Variants in SLC10A7 observed in about 807,000 individuals in gnomAD.
SLC10A7 encodes sodium/bile acid cotransporter 7.
A neutral mutation model predicts 43.2 loss-of-function variants in SLC10A7; 29 were observed. The observed-to-expected ratio is 0.67, with a 90% CI of 0.50 to 0.92. The LOEUF is 0.92. SLC10A7 is among the 40% of genes least tolerant of loss of function. SLC10A7 has a pLI of 0.00. For synonymous variants in SLC10A7, 152 were observed against 144.8 expected (o/e 1.05, Z -0.35); for missense variants, 295 against 403.2 (o/e 0.73, Z 2.30).
intron 3 of SLC10A7, among the ~76,000 whole-genome samples, chr4:146,507,288 G>C (rs775360158): frequency 6.6e-6 from 1 of 152,154 alleles, no homozygotes; most frequent in Non-Finnish European, 1.5e-5. Flanking sequence ...GTGGCTGGGC[G>C]CAGTGGCTCA....
At chr4:146,374,943 C>T (rs896714104) in intron 5 of SLC10A7, among the ~76,000 whole-genome samples, 8 of 151,870 alleles carry the variant, frequency 5.3e-5, no homozygotes, top group African/African-American at 1.2e-4. Context: ...TGGTGGCTTA[C>T]GCCTGTAATC....
chr4:146,286,931 A>G (rs1448070616), intron 9 of SLC10A7, among the ~76,000 whole-genome samples: 3 of 134,142 alleles, frequency 2.2e-5, no homozygotes, highest in African/African-American at 8.6e-5. Context: ...GAGTTGAGAA[A>G]GACTGAACTT....
intron 5 of SLC10A7, among the ~76,000 whole-genome samples, chr4:146,436,352 A>T (rs989412005): frequency 6.6e-6 from 1 of 152,154 alleles, no homozygotes; most frequent in East Asian, 1.9e-4. Context: ...ACATAGAGCT[A>T]TCAGTGGGTC....
At chr4:146,505,218 T>A (rs1736789187) in intron 3 of SLC10A7, among the ~76,000 whole-genome samples, 1 of 152,218 alleles carries the variant, frequency 6.6e-6, no homozygotes, top group Non-Finnish European at 1.5e-5. Flanking sequence ...GACTTCTTCC[T>A]CTTCATTAGC....
chr4:146,350,556 T>C (rs1007738924), intron 5 of SLC10A7, among the ~76,000 whole-genome samples: 9 of 145,106 alleles, frequency 6.2e-5, no homozygotes, highest in Middle Eastern at 3.4e-3. Context: ...TGCCTGCTTC[T>C]GTAGGCTCCA....
chr4:146,379,569 A>G (rs913338958), intron 5 of SLC10A7, among the ~76,000 whole-genome samples: 1 of 152,208 alleles, frequency 6.6e-6, no homozygotes, highest in African/African-American at 2.4e-5. Flanking sequence ...AACTGCCAGA[A>G]TAACTGAAGA....
At chr4:146,459,735 A>G (rs1732375511) in intron 4 of SLC10A7, among the ~76,000 whole-genome samples, 1 of 151,884 alleles carries the variant, frequency 6.6e-6, no homozygotes, top group Non-Finnish European at 1.5e-5. Flanking sequence ...CACTTAAAGA[A>G]CATCTTTGTG....
At chr4:146,463,857 C>T (rs1732764156) in intron 4 of SLC10A7, among the ~76,000 whole-genome samples, 2 of 150,160 alleles carry the variant, frequency 1.3e-5, no homozygotes, top group Admixed American at 1.3e-4. Flanking sequence ...AAAGTCTCAC[C>T]CTTTTGCCCA....
chr4:146,344,717 C>G lies in SLC10A7; in HGVS notation c.436-18721G>C, dbSNP rs138970519. Among the ~76,000 whole-genome samples the G allele has an allele frequency of 8.3e-3, 1,263 of 151,674 alleles. 10 individuals carry two copies. The highest frequency in any genetic ancestry group is 0.014 in the Non-Finnish European group (941 of 67,964). On this transcript the variant is annotated intron_variant, in intron 5 of 11. Coordinates refer to ENST00000335472, the MANE Select transcript of SLC10A7 (RefSeq NM_001029998.6). Reference sequence around the variant, plus strand: ...TGATATCAAAAGAGATTTGATACACCAACAGTTTTATGTTAAGCCAGGCAT... The same window carrying G: ...TGATATCAAAAGAGATTTGATACACGAACAGTTTTATGTTAAGCCAGGCAT...
chr4:146,504,376 G>A lies in SLC10A7; in HGVS notation c.321-452C>T, dbSNP rs376063900. On this transcript the variant is annotated intron_variant, in intron 3 of 11. Coordinates refer to ENST00000335472, the MANE Select transcript of SLC10A7 (RefSeq NM_001029998.6). ...CTACTAAAAGTACAAAAAATTAGCC[G>A]GGCACAGTGGCGGGTGCCTGTAGTC... Among the ~76,000 whole-genome samples, 10 of 152,036 alleles carry A rather than the reference G, an allele frequency of 6.6e-5. No homozygotes were observed. The East Asian group carries it at 7.8e-4, about 12-fold the overall frequency.
At chr4:146,514,505 T>A (rs182174078) in intron 2 of SLC10A7, 1 of 152,224 alleles carries the variant, frequency 6.6e-6, no homozygotes, top group Non-Finnish European at 1.5e-5. Context: ...AACTGAAGAC[T>A]CAGCATTGCA....
At chr4:146,437,605 T>G (rs889201190) in intron 5 of SLC10A7, among the ~76,000 whole-genome samples, 1 of 152,020 alleles carries the variant, frequency 6.6e-6, no homozygotes, top group African/African-American at 2.4e-5. Context: ...ATTAAGCACA[T>G]GCACACACAC....
intron 7 of SLC10A7, among the ~76,000 whole-genome samples, chr4:146,299,943 A>G (rs1009758513): frequency 1.5e-4 from 23 of 152,284 alleles, no homozygotes; most frequent in African/African-American, 4.8e-4. Flanking sequence ...AGTGAGGTGA[A>G]TGACAGGTCA....
chr4:146,325,560 T>G (rs1271995821), intron 6 of SLC10A7, among the ~76,000 whole-genome samples: 1 of 152,194 alleles, frequency 6.6e-6, no homozygotes, highest in South Asian at 2.1e-4. Context: ...ATCATCAGTA[T>G]CAGCCTTGGA....
chr4:146,329,618 A>C lies in SLC10A7; in HGVS notation c.436-3622T>G, dbSNP rs115796508. On this transcript the variant is annotated intron_variant, in intron 5 of 11. Coordinates refer to ENST00000335472, the MANE Select transcript of SLC10A7 (RefSeq NM_001029998.6). ...AATAAAATCTTTGCATTGTTAAGTT[A>C]TTTCCTCAGGGTTGTATTTTAAGAG... 3.9e-3 allele frequency among the ~76,000 whole-genome samples: 598 copies of C among 152,266 alleles called. 2 individuals are homozygous for C. Among genetic ancestry groups the C allele is most frequent in the African/African-American group, 0.013 (548 of 41,550 alleles).
chr4:146,454,467 G>T (rs1168226579), intron 4 of SLC10A7, among the ~76,000 whole-genome samples: 1 of 151,816 alleles, frequency 6.6e-6, no homozygotes. Flanking sequence ...TTCATCTCCA[G>T]ACATCTCTTG....
intron 5 of SLC10A7, among the ~76,000 whole-genome samples, chr4:146,348,485 C>T (rs1192937515): frequency 1.3e-5 from 2 of 152,170 alleles, no homozygotes; most frequent in African/African-American, 4.8e-5. Flanking sequence ...AACTCCTGTT[C>T]TCTCTCAGTA....
intron 7 of SLC10A7, among the ~76,000 whole-genome samples, chr4:146,302,558 T>C (rs531849618): frequency 6.6e-6 from 1 of 152,294 alleles, no homozygotes. Flanking sequence ...CAGGGAAATA[T>C]ATATCAGCTA....
chr4:146,514,349 T>C (rs996601589), intron 2 of SLC10A7: 2 of 152,224 alleles, frequency 1.3e-5, no homozygotes, highest in African/African-American at 4.8e-5. Flanking sequence ...AATTGATACT[T>C]GTTTAAACAA....
Sources: gnomAD v4.1 joint callset for allele counts (sites outside exome capture counted in the v4.1 genomes callset) on GRCh38, gnomAD v4.1.1 for gene constraint, MANE v1.5 for transcripts, NCBI Gene and HGNC (gene_info 2026-07-23, HGNC 2026-07-21) for gene names.